The following SPRTN variants were observed in gnomAD, a reference collection of about 807,000 sequenced individuals.
SPRTN encodes the protein DNA-dependent metalloprotease SPRTN.
A neutral mutation model predicts 31.9 loss-of-function variants in SPRTN; 11 were observed. The observed-to-expected ratio is 0.34, with a 90% confidence interval of 0.22 to 0.57. SPRTN has a LOEUF of 0.57. Among genes scored for constraint, SPRTN ranks in the 20% least tolerant of loss-of-function variants. The probability of loss-of-function intolerance (pLI) is 0.86; values close to 1 mark genes in which losing one functional copy is unlikely to be tolerated. For synonymous variants in SPRTN, 185 were observed against 212.1 expected, an observed-to-expected ratio of 0.87 and a Z score of 1.11; for missense variants, 482 against 590.1, an observed-to-expected ratio of 0.82 and a Z score of 1.90.
intron 2 of SPRTN, 50 bp downstream of exon 2, chr1:231,339,918 G>C (rs1163978368): frequency 6.5e-7 from 1 of 1,550,380 alleles, no homozygotes. Context: ...ACAAATACTT[G>C]TCAATGATTT....
Position 231,352,750 on chromosome 1 carries a change from C to A in SPRTN, c.859C>A (p.Gln287Lys). The change falls in exon 5 of 5, where the codon CAA (glutamine) becomes AAA (lysine). Residue 287 changes from glutamine (Q) to lysine (K), a missense_variant. Gln to Lys is a moderately conservative substitution (Grantham distance 53). This residue lies in a region of SPRTN where 325 missense variants were observed against 350.2 expected (regional missense o/e 0.93). Transcript: ENST00000295050. ...TAATAAAACCCAAGATCTTTTAAAT[C>A]AAAACCATTCAGCAAATGCTGTAAG... ...AINKTQDLLN[Q>K]NHSANAVRPN... 1 of 1,614,062 alleles carries A rather than the reference C, an allele frequency of 6.2e-7. No homozygotes were observed.
At chr1:231,340,052 AAAAAAAAAAC>A in intron 2 of SPRTN, 184 bp downstream of exon 2, 1 of 504,684 alleles carries the variant, frequency 2.0e-6, no homozygotes, top group Non-Finnish European at 3.4e-6. Context: ...CATAGTAAAA[AAAAAAAAAAC>A]AAAAAAAAGG....
At chr1:231,352,478 T>G (rs2102875050) in intron 4 of SPRTN, 132 bp from the exon 5 acceptor site, 2 of 1,417,210 alleles carry the variant, frequency 1.4e-6, no homozygotes, top group East Asian at 5.1e-5. Context: ...ATTAATAGGA[T>G]TGTATGGATG....
intron 2 of SPRTN, among the ~76,000 whole-genome samples, chr1:231,342,265 G>C (rs538644871): frequency 1.3e-5 from 2 of 152,250 alleles, no homozygotes; most frequent in Admixed American, 1.3e-4. Flanking sequence ...AGAAAAAAAT[G>C]TTTTTAAGTA....
intron 2 of SPRTN, among the ~76,000 whole-genome samples, chr1:231,345,428 C>G (rs1389984947): frequency 6.6e-6 from 1 of 152,062 alleles, no homozygotes; most frequent in Non-Finnish European, 1.5e-5. Context: ...GTGCCCAGCC[C>G]CCTGTCTTTT....
intron 2 of SPRTN, 141 bp downstream of exon 2, chr1:231,340,009 A>C (rs1365054040): frequency 1.5e-6 from 1 of 659,164 alleles, no homozygotes; most frequent in East Asian, 2.7e-5. Flanking sequence ...TGGGGCAAAC[A>C]ATAATGAACA....
chr1:231,340,173 C>T (rs936489205), intron 2 of SPRTN: 2 of 208,272 alleles, frequency 9.6e-6, no homozygotes, highest in Non-Finnish European at 1.9e-5. Context: ...ACATCCTAGC[C>T]AACACGGTGA....
rs936558300 is a variant in SPRTN, at chr1:231,353,481, T to C, written c.*120T>C. 2.8e-6 allele frequency: 4 copies of C among 1,425,236 alleles called. No homozygotes were observed. The Admixed American group carries it at 9.5e-5, about 34-fold the overall frequency. 88.3% of individuals were successfully genotyped at this position (1,425,236 alleles called of 1,614,324 possible). On this transcript the variant is annotated 3_prime_UTR_variant, in exon 5 of 5. Coordinates refer to ENST00000295050, the MANE Select transcript of SPRTN (RefSeq NM_032018.7). ...GTTATAATCTAGTTCACATAACCAA[T>C]AGAAAGTGTCCTATTTTATATATAC...
rs1000706610 is a variant in SPRTN, at chr1:231,354,261, T to TA, written c.*908dup. ...TTTGTGCATTTTAAGTAATCTTTTT[T>TA]AAAAAAAATATTTTCCATGTTATAG... On this transcript the variant is annotated 3_prime_UTR_variant, in exon 5 of 5. Transcript: ENST00000295050. 8.4e-5 allele frequency: 82 copies of TA among 976,962 alleles called. No homozygotes were observed. The highest frequency in any genetic ancestry group is 6.8e-4 in the African/African-American group (39 of 57,140). 60.5% of individuals were successfully genotyped at this position (976,962 alleles called of 1,614,324 possible).
rs1558369758 is a variant in SPRTN, at chr1:231,353,608, T to G, written c.*247T>G. ...CCAGGTTCTGCCTGTCGTGTATAAG[T>G]TTTAGATACTTTTGTTCTTTCTTGC... is the stretch of plus-strand genomic sequence containing the variant. On this transcript the variant is annotated 3_prime_UTR_variant, in exon 5 of 5. Coordinates refer to ENST00000295050, the MANE Select transcript of SPRTN (RefSeq NM_032018.7). The G allele has an allele frequency of 2.6e-6, 3 of 1,134,880 alleles. No individual in the cohort carries two copies. The highest frequency in any genetic ancestry group is 9.2e-5 in the East Asian group (2 of 21,798). The allele number at this position is 1,134,880 out of a possible 1,614,324, so 70.3% of individuals were successfully genotyped here. A position where few individuals can be genotyped will look rare whatever the true frequency, so the allele number is the denominator to read the frequency against.
At chr1:231,342,980 G>T (rs566171709) in intron 2 of SPRTN, among the ~76,000 whole-genome samples, 1 of 150,106 alleles carries the variant, frequency 6.7e-6, no homozygotes, top group African/African-American at 2.5e-5. Context: ...CTCGTGATCC[G>T]CCCGACTCAG....
intron 2 of SPRTN, 195 bp downstream of exon 2, chr1:231,340,063 A>AAC: frequency 1.5e-5 from 7 of 465,822 alleles, no homozygotes; most frequent in Middle Eastern, 6.2e-4. Flanking sequence ...AAAAAAAAAC[A>AAC]AAAAAAAGGC....
Position 231,338,515 on chromosome 1 carries a change from C to T in SPRTN, c.132C>T (p.Asp44=), listed in dbSNP as rs765818938. ...ASWELVDPTP[D]LQALFVQFND... Reference sequence around the variant, plus strand: ...GGGAGTTGGTGGACCCCACACCGGACTTGCAGGCACTGTTTGTTCAGTTTA... The same window carrying T: ...GGGAGTTGGTGGACCCCACACCGGATTTGCAGGCACTGTTTGTTCAGTTTA... The change falls in exon 1 of 5, where the codon GAC becomes GAT. Residue 44 remains aspartate (D), a synonymous_variant. Transcript: ENST00000295050. 1.2e-6 allele frequency: 2 copies of T among 1,614,126 alleles called. No individual in the cohort carries two copies. Among genetic ancestry groups the T allele is most frequent in the East Asian group, 2.2e-5 (1 of 44,902 alleles).
At chr1:231,346,309 C>G (rs1488755905) in intron 2 of SPRTN, among the ~76,000 whole-genome samples, 1 of 151,032 alleles carries the variant, frequency 6.6e-6, no homozygotes, top group Non-Finnish European at 1.5e-5. Flanking sequence ...CTGCCTCAGC[C>G]TCCTGAGTAT....
At chr1:231,352,042 T>C (rs1004582349) in intron 4 of SPRTN, 2 of 991,208 alleles carry the variant, frequency 2.0e-6, no homozygotes, top group Non-Finnish European at 1.2e-6. Flanking sequence ...GATGTATGTA[T>C]GTTCATTCAA....
intron 2 of SPRTN, among the ~76,000 whole-genome samples, chr1:231,346,846 G>A (rs113766994): frequency 0.012 from 1,892 of 152,118 alleles, 44 homozygotes; most frequent in African/African-American, 0.043. Flanking sequence ...GGAGGCTGAG[G>A]CACGAGAATC....
chr1:231,340,096 C>T (rs940029959), intron 2 of SPRTN: 6 of 372,924 alleles, frequency 1.6e-5, no homozygotes, highest in African/African-American at 1.3e-4. Flanking sequence ...GGCACGCTGG[C>T]TCACGCCTGT....
intron 2 of SPRTN, among the ~76,000 whole-genome samples, chr1:231,347,456 G>T (rs1687093593): frequency 6.6e-6 from 1 of 152,112 alleles, no homozygotes; most frequent in Admixed American, 6.5e-5. Flanking sequence ...ACCTCCCCAG[G>T]CTCAGAGGAT....
rs1687307160 is a variant in SPRTN at position 231,353,577 on chromosome 1, T to C, written c.*216T>C. On this transcript the variant is annotated 3_prime_UTR_variant, in exon 5 of 5. Coordinates refer to ENST00000295050, the MANE Select transcript of SPRTN (RefSeq NM_032018.7). ...ACATTCACTCTTGCCTTAGGTATAC[T>C]GTAACCCAGGTTCTGCCTGTCGTGT... 7.4e-6 allele frequency: 9 copies of C among 1,221,716 alleles called. No individual in the cohort carries two copies. The highest frequency in any genetic ancestry group is 9.2e-6 in the Non-Finnish European group (9 of 979,790). The allele number at this position is 1,221,716 out of a possible 1,614,324, so 75.7% of individuals were successfully genotyped here.
Sources: gnomAD v4.1 joint callset for allele counts (sites outside exome capture counted in the v4.1 genomes callset) on GRCh38, gnomAD v4.1.1 for gene constraint, gnomAD v4.1.1 regional missense constraint, MANE v1.5 for transcripts, NCBI Gene and HGNC (gene_info 2026-07-23, HGNC 2026-07-21) for gene names.